The following STK32B variants were observed in gnomAD, a reference collection of about 807,000 sequenced individuals.
The protein encoded by STK32B is serine/threonine kinase 32B.
STK32B carries 43 observed loss-of-function variants against 52.6 expected under a neutral mutation model. The ratio of observed to expected loss-of-function variants is 0.82; its 90% CI spans 0.64 to 1.05. The LOEUF (loss-of-function observed/expected upper bound fraction) is 1.05, where lower values mean the gene tolerates loss of function less well. STK32B is among the 50% of genes least tolerant of loss of function. STK32B has a pLI of 0.00. For missense variants in STK32B, 621 were observed against 534.6 expected (o/e 1.16, Z -1.59); for synonymous variants, 238 against 204.3 (o/e 1.17, Z -1.41).
intron 3 of STK32B, among the ~76,000 whole-genome samples, chr4:5,202,754 G>A (rs1722254558): frequency 6.6e-6 from 1 of 152,222 alleles, no homozygotes; most frequent in South Asian, 2.1e-4. Context: ...CTGCATGGCA[G>A]CCCCAGGTGT....
intron 1 of STK32B, among the ~76,000 whole-genome samples, chr4:5,121,416 A>G (rs1441594572): frequency 6.6e-6 from 1 of 152,216 alleles, no homozygotes; most frequent in Non-Finnish European, 1.5e-5. Context: ...ACCCTGTTAT[A>G]TAGCTGTTGT....
At chr4:5,294,337 G>A (rs940890547) in intron 3 of STK32B, among the ~76,000 whole-genome samples, 1 of 151,994 alleles carries the variant, frequency 6.6e-6, no homozygotes, top group African/African-American at 2.4e-5. Flanking sequence ...GATGGGAATA[G>A]CATTGAATCT....
intron 3 of STK32B, among the ~76,000 whole-genome samples, chr4:5,184,695 A>AAAAAAAAAAAAAAAAAGAAG (rs58321341): frequency 2.2e-5 from 3 of 137,558 alleles, no homozygotes; most frequent in African/African-American, 2.7e-5. Context: ...AAAAAAAAAA[A>AAAAAAAAAAAAAAAAAGAAG]AAGAAGAAGA....
At chr4:5,196,278 G>A (rs957560365) in intron 3 of STK32B, among the ~76,000 whole-genome samples, 22 of 151,044 alleles carry the variant, frequency 1.5e-4, no homozygotes, top group African/African-American at 4.9e-4. Context: ...GCCACCCCGC[G>A]AGGTTCTCTT....
chr4:5,032,142 TA>T, the STK32B span, among the ~76,000 whole-genome samples: 1 of 149,962 alleles, frequency 6.7e-6, no homozygotes. Context: ...TTGAGACTAG[TA>T]GCCAGTTATG....
At position 5,378,331 on chromosome 4, in the gene STK32B, T is replaced by C. The variant is rs1187110201; in HGVS notation, c.435-19876T>C. On this transcript the variant is annotated intron_variant, in intron 4 of 11. Transcript: ENST00000282908. The surrounding 1 kb of genome is among the most constrained non-coding windows in gnomAD (Gnocchi z 4.4). Reference sequence around the variant, plus strand: ...ACACTTGAGGCTGCAGATCCATCACTTGGATCTGCAAAAGGCAGACCAGTA... The same window carrying C: ...ACACTTGAGGCTGCAGATCCATCACCTGGATCTGCAAAAGGCAGACCAGTA... Among the ~76,000 whole-genome samples, 2 of 152,180 alleles carry C rather than the reference T, an allele frequency of 1.3e-5. No individual in the cohort carries two copies. The highest frequency in any genetic ancestry group is 6.5e-5 in the Admixed American group (1 of 15,276).
chr4:5,333,588 T>G (rs960659637), intron 4 of STK32B, among the ~76,000 whole-genome samples: 30 of 152,232 alleles, frequency 2.0e-4, no homozygotes, highest in Non-Finnish European at 5.9e-5. Flanking sequence ...TAGGTTTTCT[T>G]CTAGAGTTTT....
intron 1 of STK32B, among the ~76,000 whole-genome samples, chr4:5,094,862 C>T (rs182969070): frequency 1.7e-4 from 26 of 152,228 alleles, no homozygotes; most frequent in African/African-American, 6.3e-4. Flanking sequence ...ACTTTCTGCC[C>T]TCAATGATGT....
chr4:5,488,972 A>G (rs1005484891), intron 11 of STK32B, among the ~76,000 whole-genome samples: 2 of 152,070 alleles, frequency 1.3e-5, no homozygotes, highest in African/African-American at 4.8e-5. Flanking sequence ...ACAGAATGTT[A>G]TATGTTAATT....
chr4:5,384,390 G>A (rs1736114504), intron 4 of STK32B, among the ~76,000 whole-genome samples: 1 of 152,110 alleles, frequency 6.6e-6, no homozygotes, highest in African/African-American at 2.4e-5. Flanking sequence ...TGGTGACACC[G>A]AGACTTGGGG....
chr4:5,230,410 G>A (rs1724181936), intron 3 of STK32B, among the ~76,000 whole-genome samples: 2 of 151,650 alleles, frequency 1.3e-5, no homozygotes, highest in African/African-American at 4.8e-5. Context: ...GGCTGGTATC[G>A]AACTCCTAAC....
In STK32B at chr4:5,466,744, G is replaced by C; in HGVS notation, c.951G>C (p.Glu317Asp). The change falls in exon 10 of 12, where the codon GAG becomes GAC. Residue 317 changes from glutamate (E) to aspartate (D), a missense_variant. Physicochemically the swap from Glu to Asp is conservative, Grantham distance 45. Coordinates refer to ENST00000282908, the MANE Select transcript of STK32B (RefSeq NM_018401.3). ...GCGATCCCACATTTGAGCTTGAAGA[G>C]ATGATTCTAGAATCCAAGCCACTTC... ...LNCDPTFELE[E>D]MILESKPLHK... The C allele has an allele frequency of 6.2e-7, 1 of 1,614,006 alleles. No homozygotes were observed.
At chr4:5,484,842 T>G (rs983989204) in intron 11 of STK32B, among the ~76,000 whole-genome samples, 12 of 152,176 alleles carry the variant, frequency 7.9e-5, no homozygotes, top group African/African-American at 2.2e-4. Flanking sequence ...TCTCCTTCAC[T>G]TATGAAGCAT....
At chr4:5,439,335 G>C (rs924443854) in intron 6 of STK32B, among the ~76,000 whole-genome samples, 13 of 151,536 alleles carry the variant, frequency 8.6e-5, no homozygotes, top group Non-Finnish European at 3.0e-5. Context: ...GTTTGGATTT[G>C]CATTTCTCTG....
At chr4:5,168,072 A>G (rs1045679763) in intron 2 of STK32B, among the ~76,000 whole-genome samples, 3 of 152,232 alleles carry the variant, frequency 2.0e-5, no homozygotes, top group East Asian at 3.9e-4. Context: ...CACTTAGTAC[A>G]TGGCCAGTGC....
chr4:5,334,646 G>A (rs1365716515), intron 4 of STK32B, among the ~76,000 whole-genome samples: 1 of 151,624 alleles, frequency 6.6e-6, no homozygotes. Context: ...TTTGAGATAT[G>A]TCCCATCAAT....
intron 6 of STK32B, among the ~76,000 whole-genome samples, chr4:5,439,173 G>A (rs1197223240): frequency 1.3e-5 from 2 of 148,686 alleles, no homozygotes; most frequent in East Asian, 2.0e-4. Flanking sequence ...CTGAGGAATC[G>A]CCACACTGAC....
chr4:5,129,810 T>C (rs1715640981), intron 1 of STK32B, among the ~76,000 whole-genome samples: 1 of 152,186 alleles, frequency 6.6e-6, no homozygotes, highest in African/African-American at 2.4e-5. Flanking sequence ...GACCCTCTCA[T>C]TGCAAATGTG....
chr4:5,117,378 A>G (rs1230473600), intron 1 of STK32B, among the ~76,000 whole-genome samples: 1 of 148,774 alleles, frequency 6.7e-6, no homozygotes, highest in Non-Finnish European at 1.5e-5. Context: ...CTTTTTCTGC[A>G]TCTGTTTAGA....
Sources: gnomAD v4.1 joint callset for allele counts (sites outside exome capture counted in the v4.1 genomes callset) on GRCh38, gnomAD v4.1.1 for gene constraint, Gnocchi (gnomAD v3.1) non-coding constraint, MANE v1.5 for transcripts, NCBI Gene and HGNC (gene_info 2026-07-23, HGNC 2026-07-21) for gene names.